Variants in ASIC2 observed in about 807,000 individuals in gnomAD.
The protein encoded by ASIC2 is acid sensing ion channel subunit 2, also known as acid-sensing ion channel 2.
ASIC2 carries 25 observed loss-of-function variants against 57.3 expected under a neutral mutation model. That is an observed-to-expected ratio of 0.44 (90% CI 0.32 to 0.61). ASIC2 has a LOEUF of 0.61. Among genes scored for constraint, ASIC2 ranks in the 20% least tolerant of loss-of-function variants. ASIC2 has a pLI of 0.06. For missense variants in ASIC2, 641 were observed against 738.1 expected (o/e 0.87, Z 1.52); for synonymous variants, 319 against 307.5 (o/e 1.04, Z -0.39).
intron 1 of ASIC2, among the ~76,000 whole-genome samples, chr17:33,378,128 G>A (rs1243274765): frequency 2.0e-5 from 3 of 152,188 alleles, no homozygotes; most frequent in Non-Finnish European, 2.9e-5. Context: ...TTACAGCTGC[G>A]TGATCTTGAG....
rs71144877 is a variant in ASIC2 at position 33,436,853 on chromosome 17, C to CTTTTTTTTTTT, written c.556-324797_556-324787dup. Among the ~76,000 whole-genome samples, 12 of 66,596 alleles carry CTTTTTTTTTTT rather than the reference C, an allele frequency of 1.8e-4. 1 individual carries two copies. The highest frequency in any genetic ancestry group is 6.4e-4 in the South Asian group (1 of 1,574). 43.7% of individuals were successfully genotyped at this position (66,596 alleles called of 152,430 possible). A position where few individuals can be genotyped will look rare whatever the true frequency, so the allele number is the denominator to read the frequency against. ...AATGCCTTAAAACACATTCCAACTT[C>CTTTTTTTTTTT]TTTTTTTTTTTTTTTTTTTTTTTTT... On this transcript the variant is annotated intron_variant, in intron 1 of 9. Transcript: ENST00000359872.
chr17:33,497,880 G>A (rs1314967186), intron 1 of ASIC2, among the ~76,000 whole-genome samples: 1 of 152,182 alleles, frequency 6.6e-6, no homozygotes, highest in African/African-American at 2.4e-5. Flanking sequence ...GCCAGATATG[G>A]GCACCTCTCT....
At chr17:33,246,749 G>C (rs1908704349) in intron 1 of ASIC2, among the ~76,000 whole-genome samples, 1 of 152,212 alleles carries the variant, frequency 6.6e-6, no homozygotes, top group South Asian at 2.1e-4. Flanking sequence ...GATTCCTATA[G>C]TCACATAGAA....
intron 1 of ASIC2, among the ~76,000 whole-genome samples, chr17:33,458,543 T>C (rs1438461960): frequency 6.6e-6 from 1 of 152,202 alleles, no homozygotes; most frequent in East Asian, 1.9e-4. Context: ...GACTGTATGA[T>C]TTTGGCCATA....
chr17:33,930,146 C>T (rs576617376), intron 1 of ASIC2, among the ~76,000 whole-genome samples: 2 of 152,318 alleles, frequency 1.3e-5, no homozygotes, highest in Admixed American at 6.5e-5. Context: ...TGTTAGGTAA[C>T]CGAGGCTGCA....
At chr17:33,853,865 A>G (rs1913842309) in intron 1 of ASIC2, among the ~76,000 whole-genome samples, 1 of 152,188 alleles carries the variant, frequency 6.6e-6, no homozygotes, top group African/African-American at 2.4e-5. Flanking sequence ...TTCTGGATGT[A>G]CCAACAGGTA....
chr17:33,799,332 CCT>C (rs1416881439), intron 1 of ASIC2, among the ~76,000 whole-genome samples: 3 of 150,434 alleles, frequency 2.0e-5, no homozygotes, highest in African/African-American at 4.9e-5. Context: ...ATTTTCCCTC[CCT>C]CTCTGTTTCC....
intron 1 of ASIC2, among the ~76,000 whole-genome samples, chr17:34,110,498 A>G (rs1911231406): frequency 6.6e-6 from 1 of 152,232 alleles, no homozygotes; most frequent in Non-Finnish European, 1.5e-5. Context: ...CTGTGCCAGC[A>G]GCAGGCGGGA....
intron 1 of ASIC2, among the ~76,000 whole-genome samples, chr17:33,288,069 G>A (rs1448616188): frequency 2.0e-5 from 3 of 152,132 alleles, no homozygotes; most frequent in African/African-American, 7.2e-5. Context: ...GCTGTCTGTT[G>A]GGTGCCGGAG....
At chr17:33,708,676 G>A (rs1231888148) in intron 1 of ASIC2, among the ~76,000 whole-genome samples, 1 of 152,110 alleles carries the variant, frequency 6.6e-6, no homozygotes, top group East Asian at 1.9e-4. Context: ...GAAAAGAGGA[G>A]CCTCATCCAG....
At chr17:33,544,361 G>A (rs528020930) in intron 1 of ASIC2, among the ~76,000 whole-genome samples, 2 of 152,208 alleles carry the variant, frequency 1.3e-5, no homozygotes, top group African/African-American at 4.8e-5. Flanking sequence ...TTGTGTACAA[G>A]TCTTTGTGTA....
At chr17:33,334,502 C>T (rs73285967) in intron 1 of ASIC2, among the ~76,000 whole-genome samples, 2,420 of 152,272 alleles carry the variant, frequency 0.016, 64 homozygotes, top group African/African-American at 0.055. Flanking sequence ...CCAGCATGGA[C>T]CAACTGTCCT....
chr17:33,911,894 A>C (rs1915474095), intron 1 of ASIC2, among the ~76,000 whole-genome samples: 2 of 152,142 alleles, frequency 1.3e-5, no homozygotes, highest in Non-Finnish European at 2.9e-5. Flanking sequence ...TAATCCCAGC[A>C]GTTTGGGAGG....
intron 3 of ASIC2, among the ~76,000 whole-genome samples, chr17:33,059,821 G>C (rs1478701939): frequency 6.6e-6 from 1 of 152,166 alleles, no homozygotes. Flanking sequence ...TCCAGCACCT[G>C]TTGTTTCCTG....
chr17:34,147,006 T>C (rs1459428308), intron 1 of ASIC2: 2 of 152,218 alleles, frequency 1.3e-5, no homozygotes, highest in African/African-American at 4.8e-5. Context: ...TCTGCTTCCA[T>C]TGTACATATC....
intron 3 of ASIC2, among the ~76,000 whole-genome samples, chr17:33,055,408 G>A (rs1173167461): frequency 1.3e-5 from 2 of 152,110 alleles, no homozygotes; most frequent in African/African-American, 4.8e-5. Context: ...GGGCCTCTGG[G>A]GTCAGCCAGC....
chr17:33,603,777 G>C (rs751310903), intron 1 of ASIC2, among the ~76,000 whole-genome samples: 6 of 152,318 alleles, frequency 3.9e-5, no homozygotes, highest in Non-Finnish European at 8.8e-5. Context: ...TAACCCAATA[G>C]AAGTTCATTC....
intron 1 of ASIC2, among the ~76,000 whole-genome samples, chr17:33,184,402 C>A (rs946728486): frequency 6.6e-6 from 1 of 152,104 alleles, no homozygotes; most frequent in Non-Finnish European, 1.5e-5. Flanking sequence ...CTGAAAACAC[C>A]GCCACCTGAG....
Position 33,649,414 on chromosome 17 carries a change from C to G in ASIC2, c.555+506564G>C, listed in dbSNP as rs76080896. ...ATCAAAGATCTGAAAAATGGAGAGA[C>G]ATACCATGTTCACGGATTGAAAAAC... On this transcript the variant is annotated intron_variant, in intron 1 of 9. Transcript: ENST00000359872. Among the ~76,000 whole-genome samples the G allele has an allele frequency of 1.5e-3, 227 of 152,294 alleles. 4 individuals carry two copies. In the East Asian group the frequency reaches 0.041, roughly 28 times the overall value.
Sources: allele counts gnomAD v4.1 joint callset (sites outside exome capture counted in the v4.1 genomes callset), GRCh38; gene constraint gnomAD v4.1.1; transcripts MANE v1.5; gene names NCBI Gene and HGNC (gene_info 2026-07-23, HGNC 2026-07-21).